Variants in HEYL observed in about 807,000 individuals in gnomAD.
HEYL encodes the protein hairy/enhancer-of-split related with YRPW motif-like protein.
HEYL carries 12 observed loss-of-function variants against 18.6 expected under a neutral mutation model. That is an observed-to-expected ratio of 0.65 (90% CI 0.41 to 1.05). The LOEUF is 1.05. Among genes scored for constraint, HEYL ranks in the 50% least tolerant of loss-of-function variants. The probability of loss-of-function intolerance (pLI) is 0.00; values close to 1 mark genes in which losing one functional copy is unlikely to be tolerated. For missense variants in HEYL, 420 were observed against 444.7 expected (o/e 0.94, Z 0.50); for synonymous variants, 159 against 179.6 (o/e 0.89, Z 0.91).
intron 4 of HEYL, among the ~76,000 whole-genome samples, chr1:39,628,893 C>T (rs950447786): frequency 2.3e-4 from 30 of 129,832 alleles, no homozygotes; most frequent in Middle Eastern, 3.6e-3. Context: ...TGAGCCACCG[C>T]GCCCGGCCCG....
rs772292386 is a variant in HEYL, at chr1:39,626,989, G to A, written c.505C>T (p.Pro169Ser). 2 of 1,614,156 alleles carry A rather than the reference G, an allele frequency of 1.2e-6. No individual in the cohort carries two copies. Among genetic ancestry groups the A allele is most frequent in the East Asian group, 2.2e-5 (1 of 44,886 alleles). Residue 169 changes from proline to serine, a missense_variant, in exon 5 of 5, where the codon CCT (proline) becomes TCT (serine). Pro to Ser is a moderately conservative substitution (Grantham distance 74). Coordinates refer to ENST00000372852, the MANE Select transcript of HEYL (RefSeq NM_014571.4). Reference sequence around the variant, plus strand: ...CAGGGCCAGGCAGGGAAGGCCAAAGGGCCAGTGGGCGTGGGCGAAGGCTCC... The same window carrying A: ...CAGGGCCAGGCAGGGAAGGCCAAAGAGCCAGTGGGCGTGGGCGAAGGCTCC... ...EMEPSPTPTG[P>S]LAFPAWPWSF... is the part of the protein sequence containing the mutation.
At position 39,639,614 on chromosome 1, in the gene HEYL, G is replaced by C. The variant is rs956457300; in HGVS notation, c.12C>G (p.Pro4=). ...CCCCGTCGGAGCCGCTCGGCTCCTTGGGTCGCTTCATGGCGAACGCAGGCT... is the reference window on the plus strand; with the variant it reads ...CCCCGTCGGAGCCGCTCGGCTCCTTCGGTCGCTTCATGGCGAACGCAGGCT... MKR[P]KEPSGSDGES... Residue 4 remains proline (P), a synonymous_variant, in exon 1 of 5, where the codon CCC becomes CCG. Transcript: ENST00000372852. The C allele has an allele frequency of 4.5e-6, 7 of 1,568,426 alleles. No homozygotes were observed. Among genetic ancestry groups the C allele is most frequent in the Non-Finnish European group, 6.0e-6 (7 of 1,163,244 alleles).
chr1:39,630,459 T>C (rs1013556697), intron 3 of HEYL, 151 bp from the exon 4 acceptor site: 50 of 721,148 alleles, frequency 6.9e-5, no homozygotes, highest in African/African-American at 6.6e-4. Context: ...TCTCCAAATC[T>C]AGAACATTCT....
In HEYL at chr1:39,639,583, C is replaced by T. The variant is rs1646376973; in HGVS notation, c.43G>A (p.Asp15Asn). ...TCTTGGCCCACGTCGATGGGTCCGTCGGACTCCCCGTCGGAGCCGCTCGGC... is the reference window on the plus strand; with the variant it reads ...TCTTGGCCCACGTCGATGGGTCCGTTGGACTCCCCGTCGGAGCCGCTCGGC... ...KEPSGSDGES[D>N]GPIDVGQEGQ... is the part of the protein sequence containing the mutation. The change falls in exon 1 of 5, where the codon GAC (aspartate) becomes AAC (asparagine). Residue 15 changes from aspartate to asparagine, a missense_variant. Coordinates refer to ENST00000372852, the MANE Select transcript of HEYL (RefSeq NM_014571.4). The T allele has an allele frequency of 6.3e-7, 1 of 1,582,454 alleles. No individual in the cohort carries two copies. Among genetic ancestry groups the T allele is most frequent in the Non-Finnish European group, 8.6e-7 (1 of 1,168,850 alleles).
intron 1 of HEYL, 42 bp downstream of exon 1, chr1:39,639,504 G>C: frequency 6.6e-7 from 1 of 1,507,056 alleles, no homozygotes; most frequent in Middle Eastern, 1.9e-4. Context: ...CCCCCACCCC[G>C]CTCGCCCTCC....
Position 39,630,213 on chromosome 1 carries a change from A to G in HEYL, c.313+14T>C, listed in dbSNP as rs1192435472. On this transcript the variant is annotated intron_variant, in intron 4 of 4. Coordinates refer to ENST00000372852, the MANE Select transcript of HEYL (RefSeq NM_014571.4). ...GTTGTATGAATGACGCCTGAAAGAG[A>G]AGAGCATGGGTACCTGTCCCACCAG... 1 of 1,610,292 alleles carries G rather than the reference A, an allele frequency of 6.2e-7. No individual in the cohort carries two copies. The highest frequency in any genetic ancestry group is 8.5e-7 in the Non-Finnish European group (1 of 1,176,560).
At position 39,624,390 on chromosome 1, in the gene HEYL, A is replaced by T. The variant is rs1311221883; in HGVS notation, c.*2117T>A. 6.6e-6 allele frequency: 1 copy of T among 152,218 alleles called. No homozygotes were observed. The highest frequency in any genetic ancestry group is 1.5e-5 in the Non-Finnish European group (1 of 68,044). 9.4% of individuals were successfully genotyped at this position (152,218 alleles called of 1,614,324 possible). A position where few individuals can be genotyped will look rare whatever the true frequency, so the allele number is the denominator to read the frequency against. ...CCATCTCATTTCAGTGGCATCACAG[A>T]TTCTTTGGAGTTGCATGCTTGCAAC... On this transcript the variant is annotated 3_prime_UTR_variant, in exon 5 of 5. Coordinates refer to ENST00000372852, the MANE Select transcript of HEYL (RefSeq NM_014571.4).
chr1:39,627,149 G>A lies in HEYL; in HGVS notation c.345C>T (p.Asp115=). 3 of 1,613,290 alleles carry A rather than the reference G, an allele frequency of 1.9e-6. No homozygotes were observed. The African/African-American group carries it at 4.0e-5, about 22-fold the overall frequency. ...GFFDARALAV[D]FRSIGFRECL... The stretch of plus-strand genomic sequence containing the variant: ...ACTCCCGAAAACCAATGCTCCGGAA[G>A]TCAACTGCCAGGGCTCGGGCATCAA... The change falls in exon 5 of 5, where the codon GAC becomes GAT. Residue 115 remains aspartate, a synonymous_variant. Transcript: ENST00000372852.
At chr1:39,629,306 G>A (rs1315976061) in intron 4 of HEYL, among the ~76,000 whole-genome samples, 1 of 152,196 alleles carries the variant, frequency 6.6e-6, no homozygotes, top group Non-Finnish European at 1.5e-5. Flanking sequence ...GTTCATTAGA[G>A]ATGGAAGTCT....
At chr1:39,632,804 T>C in intron 1 of HEYL, 89 bp from the exon 2 acceptor site, 3 of 1,579,376 alleles carry the variant, frequency 1.9e-6, no homozygotes, top group Non-Finnish European at 2.6e-6. Context: ...AGCCACAGGC[T>C]GGGCCTAGAA....
rs1397275105 is a variant in HEYL, at chr1:39,623,733, C to T, written c.*2774G>A. The stretch of plus-strand genomic sequence containing the variant: ...AGGCCTGAGGGTCTGCAGAACTCAG[C>T]CATGCACAGGGTAGGGGAAGAGCAT... On this transcript the variant is annotated 3_prime_UTR_variant, in exon 5 of 5. Coordinates refer to ENST00000372852, the MANE Select transcript of HEYL (RefSeq NM_014571.4). Among the ~76,000 whole-genome samples the T allele has an allele frequency of 6.6e-6, 1 of 152,186 alleles. No homozygotes were observed. Among genetic ancestry groups the T allele is most frequent in the African/African-American group, 2.4e-5 (1 of 41,456 alleles).
chr1:39,634,545 G>A (rs1646352556), intron 1 of HEYL, among the ~76,000 whole-genome samples: 1 of 152,030 alleles, frequency 6.6e-6, no homozygotes, highest in African/African-American at 2.4e-5. Context: ...CCCTAGCCTA[G>A]GTCCACCATC....
At chr1:39,630,893 C>G (rs1345013309) in intron 3 of HEYL, among the ~76,000 whole-genome samples, 1 of 152,226 alleles carries the variant, frequency 6.6e-6, no homozygotes, top group African/African-American at 2.4e-5. Flanking sequence ...AGGTCTAGTT[C>G]ATGGCTGGTC....
chr1:39,635,667 A>T (rs1646358778), intron 1 of HEYL, among the ~76,000 whole-genome samples: 1 of 152,218 alleles, frequency 6.6e-6, no homozygotes, highest in Admixed American at 6.5e-5. Flanking sequence ...GAGCTAAAGC[A>T]GGTTGCCCAG....
At chr1:39,632,994 G>T (rs1646343392) in intron 1 of HEYL, 1 of 978,024 alleles carries the variant, frequency 1.0e-6, no homozygotes, top group African/African-American at 1.8e-5. Flanking sequence ...CCGCGGCGCG[G>T]TGGCTCCGGC....
At position 39,623,817 on chromosome 1, in the gene HEYL, C is replaced by T. The variant is rs1039550500; in HGVS notation, c.*2690G>A. On this transcript the variant is annotated 3_prime_UTR_variant, in exon 5 of 5. Coordinates refer to ENST00000372852, the MANE Select transcript of HEYL (RefSeq NM_014571.4). ...GGAGGTGGGAACAAGGCTGGAATGT[C>T]GAGGAAATGAAGGAAGGGCAGGTGG... Among the ~76,000 whole-genome samples the T allele has an allele frequency of 5.3e-5, 8 of 152,012 alleles. No homozygotes were observed. Among genetic ancestry groups the T allele is most frequent in the East Asian group, 3.8e-4 (2 of 5,200 alleles).
rs1646297516 is a variant in HEYL at position 39,626,470 on chromosome 1, T to C, written c.*37A>G. ...TTTTTGGGCTCCTGGTAAAAGAACC[T>C]TCCTTATTCCTTGGGGCGGGGTGGT... On this transcript the variant is annotated 3_prime_UTR_variant, in exon 5 of 5. Transcript: ENST00000372852. 2.1e-6 allele frequency: 3 copies of C among 1,450,178 alleles called. No homozygotes were observed. The highest frequency in any genetic ancestry group is 1.8e-6 in the Non-Finnish European group (2 of 1,099,206). The allele number at this position is 1,450,178 out of a possible 1,614,324, so 89.8% of individuals were successfully genotyped here.
At chr1:39,627,796 T>C (rs1241370488) in intron 4 of HEYL, among the ~76,000 whole-genome samples, 1 of 152,230 alleles carries the variant, frequency 6.6e-6, no homozygotes, top group Non-Finnish European at 1.5e-5. Flanking sequence ...GCCTACCGTA[T>C]AGAGTTATGA....
intron 1 of HEYL, 66 bp downstream of exon 1, chr1:39,639,480 G>T (rs1189699399): frequency 4.4e-6 from 6 of 1,376,796 alleles, no homozygotes; most frequent in Admixed American, 4.3e-5. Flanking sequence ...TGCTCGGCGA[G>T]CCCGTCGGGC....
Sources: allele counts gnomAD v4.1 joint callset (sites outside exome capture counted in the v4.1 genomes callset), GRCh38; gene constraint gnomAD v4.1.1; transcripts MANE v1.5; gene names NCBI Gene and HGNC (gene_info 2026-07-23, HGNC 2026-07-21).